Variants in PDE7B observed in about 807,000 individuals in gnomAD.
The protein encoded by PDE7B is phosphodiesterase 7B, also known as 3',5'-cyclic-AMP phosphodiesterase 7B.
In PDE7B, 29 loss-of-function variants were observed where a neutral mutation model predicts 56.2. That is an observed-to-expected ratio of 0.52 (90% confidence interval 0.38 to 0.70). The LOEUF is 0.70. Among genes scored for constraint, PDE7B ranks in the 30% least tolerant of loss-of-function variants. PDE7B has a pLI of 0.00. For missense variants in PDE7B, 490 were observed against 565.0 expected (o/e 0.87, Z 1.35); for synonymous variants, 197 against 196.9 (o/e 1.00, Z 0.00).
chr6:136,174,143 TCA>T (rs1583924909), intron 9 of PDE7B, among the ~76,000 whole-genome samples: 1 of 152,262 alleles, frequency 6.6e-6, no homozygotes, highest in East Asian at 1.9e-4. Context: ...TAAACAGCTC[TCA>T]GTTTTCACAC....
chr6:136,018,797 CGTGT>C (rs1776021552), intron 2 of PDE7B, among the ~76,000 whole-genome samples: 1 of 151,516 alleles, frequency 6.6e-6, no homozygotes, highest in South Asian at 2.1e-4. Context: ...TATACATATA[CGTGT>C]GTGTGTTTGT....
intron 2 of PDE7B, among the ~76,000 whole-genome samples, chr6:136,052,617 G>GCCCCC (rs11400308): frequency 1.8e-4 from 26 of 142,774 alleles, no homozygotes; most frequent in Non-Finnish European, 2.4e-4. Flanking sequence ...TTAGGGTACA[G>GCCCCC]CCCCCCCCCA....
intron 2 of PDE7B, among the ~76,000 whole-genome samples, chr6:135,994,324 A>G (rs1775527645): frequency 6.6e-6 from 1 of 152,176 alleles, no homozygotes; most frequent in South Asian, 2.1e-4. Flanking sequence ...GAAAAGATGA[A>G]TGTATCATTC....
chr6:136,188,702 C>T (rs1016628107), intron 12 of PDE7B, among the ~76,000 whole-genome samples: 1 of 152,182 alleles, frequency 6.6e-6, no homozygotes, highest in African/African-American at 2.4e-5. Context: ...CATGAGAACA[C>T]ACTTATTTTG....
At chr6:136,141,360 G>A (rs1415383188) in intron 3 of PDE7B, among the ~76,000 whole-genome samples, 1 of 152,048 alleles carries the variant, frequency 6.6e-6, no homozygotes, top group Non-Finnish European at 1.5e-5. Context: ...CTGCTGGATT[G>A]GGTTTGCCAG....
At chr6:135,902,509 A>G (rs1156391931) in intron 1 of PDE7B, among the ~76,000 whole-genome samples, 1 of 147,238 alleles carries the variant, frequency 6.8e-6, no homozygotes, top group Non-Finnish European at 1.5e-5. Flanking sequence ...AACACAGAAT[A>G]TTTGAGATTT....
rs149872643 is a variant in PDE7B at position 136,085,295 on chromosome 6, G to A, written c.83-23436G>A. Among the ~76,000 whole-genome samples the A allele has an allele frequency of 5.8e-3, 879 of 152,258 alleles. 3 individuals are homozygous for A. Among genetic ancestry groups the A allele is most frequent in the African/African-American group, 0.02 (836 of 41,552 alleles). ...AATGGGTCTACCAATGTTTCCTGCC[G>A]AATCACTCAATGCTCAAGGCAGGGG... On this transcript the variant is annotated intron_variant, in intron 2 of 12. Transcript: ENST00000308191.
chr6:135,894,996 A>T (rs1404883738), intron 1 of PDE7B, among the ~76,000 whole-genome samples: 1 of 152,126 alleles, frequency 6.6e-6, no homozygotes, highest in African/African-American at 2.4e-5. Context: ...AAATGTGCTA[A>T]AAAGGGTTTA....
chr6:136,066,852 C>CA (rs1554277540), intron 2 of PDE7B, among the ~76,000 whole-genome samples: 406 of 138,280 alleles, frequency 2.9e-3, no homozygotes, highest in East Asian at 8.2e-3. Context: ...TAACCATAAC[C>CA]TTTTTTTTTT....
At chr6:136,134,952 T>C (rs1778187102) in intron 3 of PDE7B, among the ~76,000 whole-genome samples, 2 of 150,800 alleles carry the variant, frequency 1.3e-5, no homozygotes, top group Non-Finnish European at 3.0e-5. Context: ...AAAGGAAAAA[T>C]GGCAATTGAA....
At chr6:136,191,457 G>T in intron 12 of PDE7B, 157 bp from the exon 13 acceptor site, 4 of 645,146 alleles carry the variant, frequency 6.2e-6, no homozygotes, top group South Asian at 5.6e-5. Flanking sequence ...ACTTGAGGTC[G>T]GGAGTTCAAG....
chr6:135,947,407 G>A, intron 1 of PDE7B, 57 bp from the exon 2 acceptor site: 1 of 1,309,250 alleles, frequency 7.6e-7, no homozygotes, highest in Non-Finnish European at 1.1e-6. Context: ...TGGATATATT[G>A]TCTTGGGAAT....
chr6:136,043,522 T>C (rs1479083337), intron 2 of PDE7B, among the ~76,000 whole-genome samples: 2 of 141,656 alleles, frequency 1.4e-5, no homozygotes, highest in African/African-American at 5.3e-5. Context: ...AAAAAGAGAA[T>C]TAATAATAGC....
chr6:135,874,442 A>C (rs748991706), intron 1 of PDE7B, among the ~76,000 whole-genome samples: 3 of 152,160 alleles, frequency 2.0e-5, no homozygotes, highest in Non-Finnish European at 2.9e-5. Flanking sequence ...ACTGTGGTCC[A>C]TTTCTAAATA....
chr6:136,006,222 G>T (rs1307112643), intron 2 of PDE7B, among the ~76,000 whole-genome samples: 1 of 107,670 alleles, frequency 9.3e-6, no homozygotes, highest in Non-Finnish European at 1.8e-5. Flanking sequence ...GGGGGAGGGG[G>T]GAGGGATAGC....
At chr6:135,914,365 C>T (rs538134009) in intron 1 of PDE7B, among the ~76,000 whole-genome samples, 1 of 151,770 alleles carries the variant, frequency 6.6e-6, no homozygotes, top group East Asian at 1.9e-4. Flanking sequence ...CGACCCCTGC[C>T]CCACCCCACT....
At chr6:135,972,371 TTA>T (rs1013684030) in intron 2 of PDE7B, among the ~76,000 whole-genome samples, 2 of 152,032 alleles carry the variant, frequency 1.3e-5, no homozygotes, top group African/African-American at 4.8e-5. Flanking sequence ...GTCATCCATC[TTA>T]TTTTTTAGAA....
At chr6:135,919,212 C>T (rs981555431) in intron 1 of PDE7B, among the ~76,000 whole-genome samples, 7 of 152,080 alleles carry the variant, frequency 4.6e-5, no homozygotes, top group African/African-American at 9.7e-5. Flanking sequence ...CTTGTGCTAC[C>T]GAACGCCTCC....
At chr6:136,024,034 CCA>C (rs890176307) in intron 2 of PDE7B, among the ~76,000 whole-genome samples, 6 of 151,952 alleles carry the variant, frequency 3.9e-5, no homozygotes, top group African/African-American at 1.5e-4. Flanking sequence ...AATTCAGTAA[CCA>C]CATCCTTTGA....
Sources: gnomAD v4.1 joint callset for allele counts (sites outside exome capture counted in the v4.1 genomes callset) on GRCh38, gnomAD v4.1.1 for gene constraint, MANE v1.5 for transcripts, NCBI Gene and HGNC (gene_info 2026-07-23, HGNC 2026-07-21) for gene names.